The following THSD4 variants were observed in gnomAD, a reference collection of about 807,000 sequenced individuals.
THSD4 encodes the protein thrombospondin type 1 domain containing 4.
Under a neutral mutation model 119.0 loss-of-function variants are expected in THSD4, and 69 were observed. The ratio of observed to expected loss-of-function variants is 0.58; its 90% confidence interval spans 0.48 to 0.71. The LOEUF (loss-of-function observed/expected upper bound fraction) is 0.71. Among genes scored for constraint, THSD4 ranks in the 30% least tolerant of loss-of-function variants. The pLI is 0.00. For synonymous variants in THSD4, 524 were observed against 540.4 expected (o/e 0.97, Z 0.42); for missense variants, 1,393 against 1,391.1 (o/e 1.00, Z -0.02).
chr15:71,288,934 A>G (rs952618831), intron 6 of THSD4, among the ~76,000 whole-genome samples: 1 of 152,216 alleles, frequency 6.6e-6, no homozygotes, highest in Non-Finnish European at 1.5e-5. Flanking sequence ...ACAAATCCCC[A>G]GCTGGAAGAG....
intron 8 of THSD4, among the ~76,000 whole-genome samples, chr15:71,713,901 G>C (rs2052559869): frequency 6.6e-6 from 1 of 152,136 alleles, no homozygotes; most frequent in South Asian, 2.1e-4. Flanking sequence ...CAATGTTTCA[G>C]AACCTGTGAG....
Position 71,215,063 on chromosome 15 carries a change from C to A in THSD4, c.128C>A (p.Ala43Asp). Reference protein sequence around the residue: ...KVPQRMAAEGAPEDDGGGGAP... With the variant: ...KVPQRMAAEGDPEDDGGGGAP... ...CCGCAGCGGATGGCGGCGGAGGGCG[C>A]CCCCGAGGACGACGGCGGCGGCGGC... Residue 43 changes from alanine to aspartate, a missense_variant, in exon 4 of 18, where the codon GCC becomes GAC. Transcript: ENST00000261862. 7.7e-7 allele frequency: 1 copy of A among 1,294,826 alleles called. No individual in the cohort carries two copies. The highest frequency in any genetic ancestry group is 9.8e-7 in the Non-Finnish European group (1 of 1,017,928). 80.2% of individuals were successfully genotyped at this position (1,294,826 alleles called of 1,614,324 possible). A position where few individuals can be genotyped will look rare whatever the true frequency, so the allele number is the denominator to read the frequency against.
intron 7 of THSD4, among the ~76,000 whole-genome samples, chr15:71,626,118 T>C (rs2050504953): frequency 6.6e-6 from 1 of 152,180 alleles, no homozygotes; most frequent in Non-Finnish European, 1.5e-5. Flanking sequence ...GTGAAGAGTA[T>C]GTTATTTTGC....
At chr15:71,451,453 G>A (rs748112164) in intron 7 of THSD4, among the ~76,000 whole-genome samples, 7 of 152,282 alleles carry the variant, frequency 4.6e-5, no homozygotes, top group East Asian at 1.9e-4. Flanking sequence ...TGCAGGATCC[G>A]TCTTTAGGCG....
intron 6 of THSD4, among the ~76,000 whole-genome samples, chr15:71,396,631 GT>G (rs1194880946): frequency 6.6e-6 from 1 of 152,184 alleles, no homozygotes; most frequent in African/African-American, 2.4e-5. Flanking sequence ...TTCCAAAGCT[GT>G]AAAACACCGG....
intron 4 of THSD4, among the ~76,000 whole-genome samples, chr15:71,229,368 G>C (rs1174587377): frequency 1.8e-4 from 27 of 152,176 alleles, no homozygotes; most frequent in Admixed American, 1.8e-3. Context: ...AGTGGGGATT[G>C]ATATTGATTC....
chr15:71,543,993 A>G (rs774359035), intron 7 of THSD4, among the ~76,000 whole-genome samples: 11 of 152,160 alleles, frequency 7.2e-5, no homozygotes, highest in Admixed American at 1.3e-4. Context: ...GCACCATTGC[A>G]CTCCAGCCTG....
chr15:71,578,760 G>A (rs1304304288), intron 7 of THSD4, among the ~76,000 whole-genome samples: 1 of 151,770 alleles, frequency 6.6e-6, no homozygotes, highest in Non-Finnish European at 1.5e-5. Context: ...ATATATGATA[G>A]TAAATAATGA....
intron 1 of THSD4, among the ~76,000 whole-genome samples, chr15:71,130,067 A>G (rs1021981775): frequency 6.6e-6 from 1 of 152,174 alleles, no homozygotes; most frequent in Non-Finnish European, 1.5e-5. Flanking sequence ...CACACCCTAC[A>G]TCTTGCCTGG....
intron 6 of THSD4, among the ~76,000 whole-genome samples, chr15:71,279,844 T>G (rs79519189): frequency 0.023 from 3,465 of 152,226 alleles, 126 homozygotes; most frequent in African/African-American, 0.077. Flanking sequence ...CAGTCACTTT[T>G]TGTTCTGTAC....
intron 7 of THSD4, among the ~76,000 whole-genome samples, chr15:71,493,930 T>C (rs1214466363): frequency 6.6e-6 from 1 of 152,220 alleles, no homozygotes; most frequent in East Asian, 1.9e-4. Flanking sequence ...AACCCTGTCC[T>C]GGGTGGCCCC....
chr15:71,369,090 A>G (rs527587180), intron 6 of THSD4, among the ~76,000 whole-genome samples: 29 of 151,850 alleles, frequency 1.9e-4, no homozygotes, highest in African/African-American at 6.0e-4. Flanking sequence ...TCTGTCTGTT[A>G]TTGGTGTATA....
chr15:71,234,608 C>G (rs1026973212), intron 4 of THSD4, among the ~76,000 whole-genome samples: 9 of 152,234 alleles, frequency 5.9e-5, no homozygotes, highest in African/African-American at 2.2e-4. Flanking sequence ...TAGTCAAACT[C>G]TTAATTTCCT....
intron 4 of THSD4, 110 bp downstream of exon 4, chr15:71,215,509 C>G: frequency 5.3e-6 from 6 of 1,136,454 alleles, no homozygotes; most frequent in Middle Eastern, 4.7e-4. Context: ...GCGACTAATG[C>G]ATTGCTCTGC....
At chr15:71,701,969 A>T (rs1166171793) in intron 8 of THSD4, among the ~76,000 whole-genome samples, 7 of 152,246 alleles carry the variant, frequency 4.6e-5, no homozygotes, top group Non-Finnish European at 8.8e-5. Context: ...GCCAGAGGTA[A>T]CACTGCTGCA....
intron 7 of THSD4, among the ~76,000 whole-genome samples, chr15:71,421,723 G>A (rs1404420761): frequency 6.6e-6 from 1 of 152,140 alleles, no homozygotes; most frequent in Non-Finnish European, 1.5e-5. Context: ...CAGGTTTGGG[G>A]AGTTCTCTGT....
intron 7 of THSD4, among the ~76,000 whole-genome samples, chr15:71,631,209 A>C (rs915966323): frequency 2.0e-5 from 3 of 152,228 alleles, no homozygotes; most frequent in Admixed American, 6.5e-5. Context: ...GGCCTGTGCC[A>C]GCCCAAGTCA....
At chr15:71,141,907 C>T (rs1291648785) in intron 2 of THSD4, among the ~76,000 whole-genome samples, 1 of 152,096 alleles carries the variant, frequency 6.6e-6, no homozygotes, top group Non-Finnish European at 1.5e-5. Context: ...AGTTCAAGAC[C>T]ACTCTGGCCA....
chr15:71,120,827 A>G (rs1341058030), intron 1 of THSD4, among the ~76,000 whole-genome samples: 1 of 152,228 alleles, frequency 6.6e-6, no homozygotes, highest in African/African-American at 2.4e-5. Flanking sequence ...GAGCCCCAGT[A>G]GGGAAATCAC....
Sources: gnomAD v4.1 joint callset for allele counts (sites outside exome capture counted in the v4.1 genomes callset) on GRCh38, gnomAD v4.1.1 for gene constraint, MANE v1.5 for transcripts, NCBI Gene and HGNC (gene_info 2026-07-23, HGNC 2026-07-21) for gene names.